PLXNA4: variants seen among roughly 807,000 people sequenced by gnomAD.
PLXNA4 encodes plexin-A4.
PLXNA4 carries 44 observed loss-of-function variants against 191.8 expected under a neutral mutation model. That is an observed-to-expected ratio of 0.23 (90% confidence interval 0.18 to 0.29). PLXNA4 has a LOEUF of 0.29. Ranked by LOEUF, PLXNA4 falls within the 10% of genes least tolerant of loss-of-function variation. The probability of loss-of-function intolerance (pLI) is 1.00; values close to 1 mark genes in which losing one functional copy is unlikely to be tolerated. For synonymous variants in PLXNA4, 1,082 were observed against 1,009.5 expected (o/e 1.07, Z -1.36); for missense variants, 1,800 against 2,488.8 (o/e 0.72, Z 5.89).
At chr7:132,286,767 C>T (rs1021545469) in intron 4 of PLXNA4, among the ~76,000 whole-genome samples, 1 of 152,178 alleles carries the variant, frequency 6.6e-6, no homozygotes, top group Non-Finnish European at 1.5e-5. Context: ...AGACTCCTTC[C>T]CTGGAGTGGA....
chr7:132,506,989 A>T (rs1375731494), intron 2 of PLXNA4, among the ~76,000 whole-genome samples: 1 of 152,212 alleles, frequency 6.6e-6, no homozygotes, highest in South Asian at 2.1e-4. Flanking sequence ...AAAGACATAC[A>T]AAGGGCTAAA....
chr7:132,132,091 G>A (rs1794944640), intron 31 of PLXNA4, among the ~76,000 whole-genome samples: 1 of 152,244 alleles, frequency 6.6e-6, no homozygotes, highest in South Asian at 2.1e-4. Context: ...TTCCAAGGAT[G>A]GCCAGACCCA....
chr7:132,552,677 C>T (rs4731879), intron 1 of PLXNA4, among the ~76,000 whole-genome samples: 146,093 of 152,306 alleles, frequency 0.96, 70,280 homozygotes, highest in East Asian at 1. Flanking sequence ...CAAATTAGCA[C>T]TGATACTCCA....
At chr7:132,473,240 C>T (rs952658194) in intron 3 of PLXNA4, among the ~76,000 whole-genome samples, 6 of 152,220 alleles carry the variant, frequency 3.9e-5, no homozygotes, top group Admixed American at 6.5e-5. Flanking sequence ...CTCTGCATGG[C>T]TCTGAAGTTG....
intron 3 of PLXNA4, among the ~76,000 whole-genome samples, chr7:132,364,044 G>A (rs1804056112): frequency 6.6e-6 from 1 of 152,256 alleles, no homozygotes; most frequent in South Asian, 2.1e-4. Flanking sequence ...CCCTGGGCCA[G>A]GACCAGTGCT....
intron 3 of PLXNA4, among the ~76,000 whole-genome samples, chr7:132,408,167 G>T (rs1194478574): frequency 6.6e-6 from 1 of 152,062 alleles, no homozygotes; most frequent in Non-Finnish European, 1.5e-5. Context: ...TTGCATAATA[G>T]AATATTAAGC....
intron 9 of PLXNA4, among the ~76,000 whole-genome samples, chr7:132,217,041 G>A (rs1040482729): frequency 7.2e-5 from 11 of 152,210 alleles, no homozygotes; most frequent in African/African-American, 2.2e-4. Context: ...AGGGGGGTGA[G>A]AAGTGGCAGC....
At position 132,508,245 on chromosome 7, in the gene PLXNA4, C is replaced by G; in HGVS notation, c.449G>C (p.Gly150Ala). The change falls in exon 2 of 32, where the codon GGG (glycine) becomes GCG (alanine). Residue 150 changes from glycine to alanine, a missense_variant. By Grantham distance (60) the Gly-to-Ala change is moderately conservative. Around this residue, in one of 6 missense-constraint regions of PLXNA4, gnomAD observed 1,397 missense variants for 1,880.4 expected, o/e 0.74. Coordinates refer to ENST00000321063, the MANE Select transcript of PLXNA4 (RefSeq NM_020911.2). The surrounding 1 kb of genome is among the most constrained non-coding windows in gnomAD (Gnocchi z 4.4). ...GTGCTCCTTCTTATGATAAGGCTCC[C>G]CCAGCTTGAAGAGGTCCTCCAGCCT... ...LLRLEDLFKL[G>A]EPYHKKEHYL... The G allele has an allele frequency of 6.2e-7, 1 of 1,614,200 alleles. No homozygotes were observed. Among genetic ancestry groups the G allele is most frequent in the Non-Finnish European group, 8.5e-7 (1 of 1,180,026 alleles).
At chr7:132,647,566 G>A (rs1216886168) in intron 1 of PLXNA4, among the ~76,000 whole-genome samples, 1 of 147,954 alleles carries the variant, frequency 6.8e-6, no homozygotes, top group Non-Finnish European at 1.5e-5. Context: ...CACATATGCA[G>A]TCACACACAT....
At position 132,490,109 on chromosome 7, in the gene PLXNA4, T is replaced by C. The variant is rs550737617; in HGVS notation, c.1189-635A>G. Among the ~76,000 whole-genome samples the C allele has an allele frequency of 2.0e-5, 3 of 152,342 alleles. No individual in the cohort carries two copies. The South Asian group carries it at 6.2e-4, about 32-fold the overall frequency. On this transcript the variant is annotated intron_variant, in intron 2 of 31. Transcript: ENST00000321063. ...AGGAATGTGCTGATTCAACTCAATG[T>C]GCCACAGCTGGTGCTTTATGAGCTC...
intron 3 of PLXNA4, among the ~76,000 whole-genome samples, chr7:132,445,965 C>T (rs1372500295): frequency 2.0e-5 from 3 of 152,122 alleles, no homozygotes; most frequent in African/African-American, 7.2e-5. Flanking sequence ...TTTGCTGTGC[C>T]CTGAAAGTTG....
chr7:132,248,643 G>C (rs1799141029), intron 4 of PLXNA4, among the ~76,000 whole-genome samples: 1 of 152,112 alleles, frequency 6.6e-6, no homozygotes, highest in Admixed American at 6.5e-5. Context: ...CGTGATAAAT[G>C]GCCCTTCTCA....
At chr7:132,314,891 G>A (rs573501369) in intron 3 of PLXNA4, among the ~76,000 whole-genome samples, 11 of 152,298 alleles carry the variant, frequency 7.2e-5, no homozygotes, top group African/African-American at 2.4e-4. Flanking sequence ...ATTGTCTTGC[G>A]TCACTTAACT....
intron 2 of PLXNA4, among the ~76,000 whole-genome samples, chr7:132,617,103 G>C (rs913072946): frequency 6.6e-6 from 1 of 152,006 alleles, no homozygotes; most frequent in South Asian, 2.1e-4. Context: ...GATATGGGGG[G>C]TTTCGTTACA....
chr7:132,541,216 C>G (rs541097243), intron 1 of PLXNA4, among the ~76,000 whole-genome samples: 1 of 152,302 alleles, frequency 6.6e-6, no homozygotes, highest in South Asian at 2.1e-4. Context: ...TCTTCCCATA[C>G]ATAGCCCCTT....
At chr7:132,171,921 A>G (rs1175336934) in intron 21 of PLXNA4, among the ~76,000 whole-genome samples, 1 of 152,166 alleles carries the variant, frequency 6.6e-6, no homozygotes, top group East Asian at 1.9e-4. Flanking sequence ...TGCACACTTA[A>G]ACGGCAACAG....
At chr7:132,383,200 A>T (rs1232071729) in intron 3 of PLXNA4, among the ~76,000 whole-genome samples, 1 of 152,140 alleles carries the variant, frequency 6.6e-6, no homozygotes, top group African/African-American at 2.4e-5. Flanking sequence ...CAAGCAAACC[A>T]TACAGCCCAC....
rs35449894 is a variant in PLXNA4, at chr7:132,529,607, C to CTTTTTTT, written c.-86-20835_-86-20829dup. Among the ~76,000 whole-genome samples, 307 of 136,140 alleles carry CTTTTTTT rather than the reference C, an allele frequency of 2.3e-3. 2 individuals carry two copies. Among genetic ancestry groups the CTTTTTTT allele is most frequent in the African/African-American group, 8.0e-3 (286 of 35,898 alleles). The allele number at this position is 136,140 out of a possible 152,430, so 89.3% of individuals were successfully genotyped here. On this transcript the variant is annotated intron_variant, in intron 1 of 31. Transcript: ENST00000321063. ...TTTAAAAGCTTCCCAAATAGGTATTCTTTTTTTTTTTTTTTTGAGACGGAG... is the reference window on the plus strand; with the variant it reads ...TTTAAAAGCTTCCCAAATAGGTATTCTTTTTTTTTTTTTTTTTTTTTTTGAGACGGAG...
rs150093601 is a variant in PLXNA4 at position 132,356,218 on chromosome 7, T to C, written c.1372-57996A>G. On this transcript the variant is annotated intron_variant, in intron 3 of 31. Transcript: ENST00000321063. ...TTTCCCAACTGGGCCCTCCAGTGGG[T>C]CTGTTTTTCTATCCAGGTGCTCAAA... Among the ~76,000 whole-genome samples the C allele has an allele frequency of 4.6e-3, 693 of 152,230 alleles. 11 individuals carry two copies. Among genetic ancestry groups the C allele is most frequent in the African/African-American group, 0.016 (652 of 41,520 alleles).
Sources: gnomAD v4.1 joint callset for allele counts (sites outside exome capture counted in the v4.1 genomes callset) on GRCh38, gnomAD v4.1.1 for gene constraint, gnomAD v4.1.1 regional missense constraint, Gnocchi (gnomAD v3.1) non-coding constraint, MANE v1.5 for transcripts, NCBI Gene and HGNC (gene_info 2026-07-23, HGNC 2026-07-21) for gene names.